RREB1: variants seen among roughly 807,000 people sequenced by gnomAD.
RREB1 encodes the protein ras-responsive element-binding protein 1.
In RREB1, 27 loss-of-function variants were observed where a neutral mutation model predicts 117.8. That is an observed-to-expected ratio of 0.23 (90% CI 0.17 to 0.32). RREB1 has a LOEUF of 0.32. Ranked by LOEUF, RREB1 falls within the 10% of genes least tolerant of loss-of-function variation. The pLI, the probability that RREB1 is intolerant of heterozygous loss-of-function variation, is 1.00. For missense variants in RREB1, 2,577 were observed against 2,378.2 expected (o/e 1.08, Z -1.74); for synonymous variants, 1,298 against 1,026.7 (o/e 1.26, Z -5.05).
At chr6:7,120,263 C>T (rs987085054) in intron 1 of RREB1, among the ~76,000 whole-genome samples, 1 of 152,032 alleles carries the variant, frequency 6.6e-6, no homozygotes. Flanking sequence ...CTGGCCTGGA[C>T]AACAAGGTAA....
chr6:7,207,551 G>A (rs1766346001), intron 6 of RREB1, among the ~76,000 whole-genome samples: 1 of 152,164 alleles, frequency 6.6e-6, no homozygotes, highest in Non-Finnish European at 1.5e-5. Flanking sequence ...CACACCCAAT[G>A]GAACCCACCC....
intron 10 of RREB1, among the ~76,000 whole-genome samples, chr6:7,237,787 T>C (rs1329961390): frequency 6.6e-6 from 1 of 152,248 alleles, no homozygotes; most frequent in Non-Finnish European, 1.5e-5. Flanking sequence ...CCCACCACTA[T>C]GTAAAAATGT....
rs141648456 is a variant in RREB1, at chr6:7,230,241, C to T, written c.2142C>T (p.Cys714=). ...ACCCCTTCACTGTCAAAGCCAACTG[C>T]GAGCGGCACCTGCGCAAGAAGCACC... ...CHYPFTVKAN[C]ERHLRKKHLK... Residue 714 remains cysteine, a synonymous_variant, in exon 10 of 13, where the codon TGC becomes TGT. Transcript: ENST00000379938. The T allele has an allele frequency of 6.9e-6, 11 of 1,602,848 alleles. No homozygotes were observed. Among genetic ancestry groups the T allele is most frequent in the African/African-American group, 6.7e-5 (5 of 74,936 alleles).
Position 7,247,168 on chromosome 6 carries a change from A to G in RREB1, c.4718A>G (p.Asn1573Ser), listed in dbSNP as rs999599595. The change falls in exon 12 of 13, where the codon AAC becomes AGC. Residue 1573 changes from asparagine to serine, a missense_variant. Transcript: ENST00000379938. ...DKRKKVCSVC[N>S]KRFWSLQDLT... is the part of the protein sequence containing the mutation. ...AGGAAGAAGGTCTGCAGCGTGTGCAACAAGCGGTTCTGGTCGCTGCAGGAC... is the reference window on the plus strand; with the variant it reads ...AGGAAGAAGGTCTGCAGCGTGTGCAGCAAGCGGTTCTGGTCGCTGCAGGAC... 3.1e-6 allele frequency: 5 copies of G among 1,613,838 alleles called. No homozygotes were observed. Among genetic ancestry groups the G allele is most frequent in the East Asian group, 2.2e-5 (1 of 44,848 alleles).
chr6:7,112,585 T>C (rs1437215044), intron 1 of RREB1, among the ~76,000 whole-genome samples: 3 of 152,114 alleles, frequency 2.0e-5, no homozygotes, highest in African/African-American at 7.2e-5. Flanking sequence ...GGGTTGCAGG[T>C]ACCTTATATC....
intron 10 of RREB1, among the ~76,000 whole-genome samples, chr6:7,237,410 T>C (rs1218744867): frequency 6.6e-6 from 1 of 151,804 alleles, no homozygotes; most frequent in Non-Finnish European, 1.5e-5. Flanking sequence ...TTATTTGTTA[T>C]AGAGACAAGG....
At chr6:7,225,856 G>A (rs1021454144) in intron 8 of RREB1, among the ~76,000 whole-genome samples, 1 of 152,160 alleles carries the variant, frequency 6.6e-6, no homozygotes, top group Non-Finnish European at 1.5e-5. Context: ...GTTGTCATAT[G>A]TGCTGAGCTG....
intron 1 of RREB1, among the ~76,000 whole-genome samples, chr6:7,136,695 G>A (rs1762360550): frequency 6.6e-6 from 1 of 152,152 alleles, no homozygotes; most frequent in Non-Finnish European, 1.5e-5. Context: ...ATAATGGTGT[G>A]CAAAGTAACA....
At position 7,228,982 on chromosome 6, in the gene RREB1, G is replaced by A; in HGVS notation, c.898-15G>A. 3 of 1,478,164 alleles carry A rather than the reference G, an allele frequency of 2.0e-6. No homozygotes were observed. Among genetic ancestry groups the A allele is most frequent in the East Asian group, 2.3e-5 (1 of 42,964 alleles). The allele number at this position is 1,478,164 out of a possible 1,614,324, so 91.6% of individuals were successfully genotyped here. A position where few individuals can be genotyped will look rare whatever the true frequency, so the allele number is the denominator to read the frequency against. On this transcript the variant is annotated splice_polypyrimidine_tract_variant and intron_variant, in intron 9 of 12. Transcript: ENST00000379938. ...CACATGTGTTCCCTTGCTTTTACCG[G>A]TGGGTTCTATATAGGCCTGGTGCGA...
intron 6 of RREB1, among the ~76,000 whole-genome samples, chr6:7,191,439 G>A (rs961982417): frequency 2.0e-5 from 3 of 152,108 alleles, no homozygotes; most frequent in African/African-American, 4.8e-5. Context: ...ATTGTTGTAC[G>A]ACATTTTGTG....
At chr6:7,243,441 A>G (rs1262773418) in intron 11 of RREB1, among the ~76,000 whole-genome samples, 2 of 152,166 alleles carry the variant, frequency 1.3e-5, no homozygotes, top group Non-Finnish European at 2.9e-5. Context: ...GAAGAACTGC[A>G]TATTTTTAAG....
intron 6 of RREB1, among the ~76,000 whole-genome samples, chr6:7,191,652 C>T (rs1028773970): frequency 6.6e-5 from 10 of 152,154 alleles, no homozygotes; most frequent in Admixed American, 4.6e-4. Flanking sequence ...TTTCTTTCAA[C>T]GTCTCATAGT....
chr6:7,236,387 T>C (rs2714333), intron 10 of RREB1, among the ~76,000 whole-genome samples: 149,802 of 152,282 alleles, frequency 0.98, 73,718 homozygotes, highest in African/African-American at 1. Flanking sequence ...CCTCCCTGCT[T>C]CTATCTGGCA....
chr6:7,211,720 GA>G lies in RREB1; in HGVS notation c.707+12del, dbSNP rs781676311. 1.9e-6 allele frequency: 3 copies of G among 1,613,820 alleles called. No homozygotes were observed. The East Asian group carries it at 6.7e-5, about 36-fold the overall frequency. ...AGATAACCCACTAAGGTAGGAGAAA[GA>G]GTGAACTAGACCTTGTTCATTCCTG... On this transcript the variant is annotated intron_variant, in intron 8 of 12. Coordinates refer to ENST00000379938, the MANE Select transcript of RREB1 (RefSeq NM_001003699.4).
At chr6:7,216,655 C>T (rs1482444188) in intron 8 of RREB1, 3 of 152,368 alleles carry the variant, frequency 2.0e-5, no homozygotes, top group Non-Finnish European at 4.4e-5. Flanking sequence ...CTCATGTACC[C>T]GGGATTGATC....
intron 12 of RREB1, 57 bp downstream of exon 12, chr6:7,247,278 T>C (rs1041836409): frequency 4.0e-6 from 6 of 1,490,806 alleles, no homozygotes; most frequent in Non-Finnish European, 5.4e-6. Context: ...CGGGCACCTC[T>C]CCTAGGAGCT....
Position 7,229,031 on chromosome 6 carries a change from G to A in RREB1, c.932G>A (p.Ser311Asn). ...GAAACAAACCTGCGGAGGTGCATCA[G>A]CGAGCAACACCGTTTTGTCTGCGAC... ...WCETNLRRCI[S>N]EQHRFVCDTC... is the part of the protein sequence containing the mutation. The change falls in exon 10 of 13, where the codon AGC becomes AAC. Residue 311 changes from serine (S) to asparagine (N), a missense_variant. Ser to Asn is a conservative substitution (Grantham distance 46). Coordinates refer to ENST00000379938, the MANE Select transcript of RREB1 (RefSeq NM_001003699.4). The surrounding 1 kb of genome is among the most constrained non-coding windows in gnomAD (Gnocchi z 4.5). The A allele has an allele frequency of 6.5e-7, 1 of 1,540,286 alleles. No homozygotes were observed.
chr6:7,231,360 G>C lies in RREB1; in HGVS notation c.3261G>C (p.Ala1087=). The C allele has an allele frequency of 1.2e-6, 2 of 1,612,990 alleles. No homozygotes were observed. Among genetic ancestry groups the C allele is most frequent in the Non-Finnish European group, 1.7e-6 (2 of 1,179,562 alleles). ...SAPTLLKTKV[A]DPGPASTGSN... ...CCACCCTGCTGAAAACCAAGGTGGC[G>C]GACCCAGGGCCCGCAAGCACTGGCA... Residue 1087 remains alanine, a synonymous_variant, in exon 10 of 13, where the codon GCG becomes GCC. Coordinates refer to ENST00000379938, the MANE Select transcript of RREB1 (RefSeq NM_001003699.4).
rs1479127617 is a variant in RREB1 at position 7,246,444 on chromosome 6, A to G, written c.3994A>G (p.Thr1332Ala). The G allele has an allele frequency of 1.3e-6, 2 of 1,497,268 alleles. No homozygotes were observed. The highest frequency in any genetic ancestry group is 4.3e-5 in the Admixed American group (2 of 46,216). 92.7% of individuals were successfully genotyped at this position (1,497,268 alleles called of 1,614,324 possible). A position where few individuals can be genotyped will look rare whatever the true frequency, so the allele number is the denominator to read the frequency against. Residue 1332 changes from threonine (T) to alanine (A), a missense_variant, in exon 12 of 13, where the codon ACT becomes GCT. By Grantham distance (58) the Thr-to-Ala change is moderately conservative (BLOSUM62 0). Transcript: ENST00000379938. ...CACAGACAGTCAGTCGGATGCGGAG[A>G]CTGCAGCCGCCGCGGGCGAAGTGCT... ...DSTDSQSDAE[T>A]AAAAGEVLDL... is the part of the protein sequence containing the mutation.
Sources: gnomAD v4.1 joint callset for allele counts (sites outside exome capture counted in the v4.1 genomes callset) on GRCh38, gnomAD v4.1.1 for gene constraint, Gnocchi (gnomAD v3.1) non-coding constraint, MANE v1.5 for transcripts, NCBI Gene and HGNC (gene_info 2026-07-23, HGNC 2026-07-21) for gene names.